Variants in MED4 observed in about 807,000 individuals in gnomAD.
The protein encoded by MED4 is mediator of RNA polymerase II transcription subunit 4.
In MED4, 21 loss-of-function variants were observed where a neutral mutation model predicts 35.0. The observed-to-expected ratio is 0.60, with a 90% CI of 0.43 to 0.86. MED4 has a LOEUF of 0.86. MED4 is among the 40% of genes least tolerant of loss of function. The pLI is 0.00. For synonymous variants in MED4, 138 were observed against 114.0 expected (o/e 1.21, Z -1.34); for missense variants, 300 against 319.4 (o/e 0.94, Z 0.46).
chr13:48,087,418 G>C (rs192826176), intron 2 of MED4, among the ~76,000 whole-genome samples: 63 of 152,204 alleles, frequency 4.1e-4, no homozygotes, highest in African/African-American at 1.5e-3. Flanking sequence ...TTTGGTATTT[G>C]AGATGATTTT....
chr13:48,095,027 A>C lies in MED4; in HGVS notation c.52T>G (p.Leu18Val), dbSNP rs1402446004. 1.2e-6 allele frequency: 2 copies of C among 1,606,308 alleles called. No individual in the cohort carries two copies. The highest frequency in any genetic ancestry group is 2.7e-5 in the African/African-American group (2 of 75,018). Residue 18 changes from leucine to valine, a missense_variant, in exon 1 of 7, where the codon TTG becomes GTG. By Grantham distance (32) the Leu-to-Val change is conservative. Transcript: ENST00000258648. ...EKEKERLGGG[L>V]GVAGGNSTRE... Reference sequence around the variant, plus strand: ...GTGCTGTTACCACCCGCCACTCCCAAACCGCCTCCCAGCCGCTCCTTCTCC... The same window carrying C: ...GTGCTGTTACCACCCGCCACTCCCACACCGCCTCCCAGCCGCTCCTTCTCC...
At chr13:48,077,419 T>C (rs1482151507) in intron 6 of MED4, 108 bp from the exon 7 acceptor site, 2 of 997,836 alleles carry the variant, frequency 2.0e-6, no homozygotes, top group Non-Finnish European at 2.7e-6. Flanking sequence ...ATTTTACTTT[T>C]TTCTCTTCTT....
chr13:48,075,929 G>C lies in MED4; in HGVS notation c.*1210C>G, dbSNP rs750568199. 1 of 152,198 alleles carries C rather than the reference G, an allele frequency of 6.6e-6. No homozygotes were observed. The allele number at this position is 152,198 out of a possible 1,614,324, so 9.4% of individuals were successfully genotyped here. ...TCTCCTATTTTCCAATTTTTCTAGA[G>C]ATCGAAAATAATCAAAAGGAAAAAA... On this transcript the variant is annotated 3_prime_UTR_variant, in exon 7 of 7. Coordinates refer to ENST00000258648, the MANE Select transcript of MED4 (RefSeq NM_014166.4).
At chr13:48,080,120 G>C (rs1950794047) in intron 5 of MED4, 145 bp from the exon 6 acceptor site, 1 of 849,452 alleles carries the variant, frequency 1.2e-6, no homozygotes, top group Non-Finnish European at 1.7e-6. Context: ...CATCTGGCCA[G>C]GTGCAGTGGC....
chr13:48,080,998 T>C (rs7325175), intron 5 of MED4, among the ~76,000 whole-genome samples: 141,143 of 152,022 alleles, frequency 0.93, 65,544 homozygotes, highest in East Asian at 1. Flanking sequence ...CTGCAGCTTA[T>C]CCATCCCCAA....
chr13:48,093,177 T>C (rs1370257487), intron 1 of MED4, among the ~76,000 whole-genome samples: 1 of 152,176 alleles, frequency 6.6e-6, no homozygotes, highest in Non-Finnish European at 1.5e-5. Context: ...ACTTTTCAGG[T>C]AAACAGAATT....
intron 3 of MED4, among the ~76,000 whole-genome samples, chr13:48,084,511 A>C (rs1462872808): frequency 6.6e-6 from 1 of 152,240 alleles, no homozygotes; most frequent in East Asian, 1.9e-4. Context: ...CATGAAATTC[A>C]GTTTTATGGT....
intron 1 of MED4, among the ~76,000 whole-genome samples, chr13:48,090,996 A>T (rs1198684373): frequency 1.3e-5 from 2 of 152,184 alleles, no homozygotes. Context: ...TACAGCAGAG[A>T]CTATATGGCC....
intron 1 of MED4, among the ~76,000 whole-genome samples, chr13:48,092,884 G>C (rs1593549960): frequency 6.6e-6 from 1 of 152,102 alleles, no homozygotes; most frequent in Non-Finnish European, 1.5e-5. Context: ...ATCTGGGAGC[G>C]TGAGTCCACA....
chr13:48,091,094 A>G (rs1393814986), intron 1 of MED4, among the ~76,000 whole-genome samples: 2 of 152,204 alleles, frequency 1.3e-5, no homozygotes, highest in Admixed American at 1.3e-4. Flanking sequence ...GAATGAACAT[A>G]TGTTTATATA....
chr13:48,084,076 C>T (rs1950830886), intron 3 of MED4, among the ~76,000 whole-genome samples: 1 of 152,012 alleles, frequency 6.6e-6, no homozygotes, highest in African/African-American at 2.4e-5. Flanking sequence ...GCCTGACCAA[C>T]ACGGTAAAAA....
intron 2 of MED4, among the ~76,000 whole-genome samples, chr13:48,089,890 C>T (rs928044101): frequency 1.3e-5 from 2 of 152,270 alleles, no homozygotes; most frequent in Middle Eastern, 3.4e-3. Context: ...AAAAACTGCC[C>T]GTACTTTCAC....
chr13:48,076,232 T>C lies in MED4; in HGVS notation c.*907A>G, dbSNP rs144313175. On this transcript the variant is annotated 3_prime_UTR_variant, in exon 7 of 7. Coordinates refer to ENST00000258648, the MANE Select transcript of MED4 (RefSeq NM_014166.4). ...TGTCTAAAACTGATACATCAAGAAA[T>C]AGTTGTATAAGCATATTACCTAAAC... The C allele has an allele frequency of 9.0e-4, 137 of 152,256 alleles. No individual in the cohort carries two copies. The highest frequency in any genetic ancestry group is 3.2e-3 in the African/African-American group (131 of 41,562). The allele number at this position is 152,256 out of a possible 1,614,324, so 9.4% of individuals were successfully genotyped here.
chr13:48,089,131 AC>A (rs1418517981), intron 2 of MED4, among the ~76,000 whole-genome samples: 1 of 152,192 alleles, frequency 6.6e-6, no homozygotes, highest in Non-Finnish European at 1.5e-5. Context: ...TTAACAGAGT[AC>A]CTGAGAGACT....
rs939518271 is a variant in MED4, at chr13:48,078,970, C to A, written c.640+874G>T. Among the ~76,000 whole-genome samples, 51 of 151,974 alleles carry A rather than the reference C, an allele frequency of 3.4e-4. 1 individual carries two copies. The highest frequency in any genetic ancestry group is 3.3e-3 in the Admixed American group (50 of 15,274). On this transcript the variant is annotated intron_variant, in intron 6 of 6. Transcript: ENST00000258648. The stretch of plus-strand genomic sequence containing the variant: ...GCCTCAGAAAGGGTATATTTTTTTC[C>A]TTTTTTAAATGCCTTTTTCTACTTC...
chr13:48,079,141 A>T (rs371989026), intron 6 of MED4, among the ~76,000 whole-genome samples: 2 of 152,196 alleles, frequency 1.3e-5, no homozygotes, highest in African/African-American at 4.8e-5. Context: ...GTCTCACAGA[A>T]ATACTATTTT....
intron 1 of MED4, among the ~76,000 whole-genome samples, chr13:48,091,070 A>G (rs1324440909): frequency 6.6e-6 from 1 of 152,244 alleles, no homozygotes; most frequent in Non-Finnish European, 1.5e-5. Context: ...CCTGTCTTAC[A>G]TAACATGATT....
intron 5 of MED4, 101 bp from the exon 6 acceptor site, chr13:48,080,076 T>C: frequency 1.5e-6 from 2 of 1,340,238 alleles, no homozygotes; most frequent in Non-Finnish European, 2.0e-6. Flanking sequence ...GCTGAAAAGT[T>C]CAGGCTACAT....
intron 3 of MED4, among the ~76,000 whole-genome samples, chr13:48,085,761 T>A (rs1436558745): frequency 6.6e-6 from 1 of 152,206 alleles, no homozygotes; most frequent in Non-Finnish European, 1.5e-5. Context: ...TTTGAAATAG[T>A]AGCCAAGAAC....
Sources: gnomAD v4.1 joint callset for allele counts (sites outside exome capture counted in the v4.1 genomes callset) on GRCh38, gnomAD v4.1.1 for gene constraint, MANE v1.5 for transcripts, NCBI Gene and HGNC (gene_info 2026-07-23, HGNC 2026-07-21) for gene names.